The following CHN2 variants were observed in gnomAD, a reference collection of about 807,000 sequenced individuals.
CHN2 encodes the protein beta-chimaerin.
CHN2 carries 35 observed loss-of-function variants against 56.3 expected under a neutral mutation model. The observed-to-expected ratio is 0.62, with a 90% CI of 0.47 to 0.82. The LOEUF is 0.82. CHN2 is among the 40% of genes least tolerant of loss of function. The pLI is 0.00. For synonymous variants in CHN2, 210 were observed against 212.8 expected (o/e 0.99, Z 0.12); for missense variants, 491 against 580.5 (o/e 0.85, Z 1.58).
intron 5 of CHN2, among the ~76,000 whole-genome samples, chr7:29,399,110 G>C (rs1585263553): frequency 6.6e-6 from 1 of 152,114 alleles, no homozygotes; most frequent in Non-Finnish European, 1.5e-5. Flanking sequence ...CATTTCCTCA[G>C]CCGCAGATGC....
chr7:29,447,195 G>A (rs4081664), intron 6 of CHN2, among the ~76,000 whole-genome samples: 8,302 of 152,024 alleles, frequency 0.055, 385 homozygotes, highest in East Asian at 0.26. Context: ...AGCAGACAAG[G>A]GTGCTTAAAT....
intron 2 of CHN2, among the ~76,000 whole-genome samples, chr7:29,150,322 T>A (rs996155083): frequency 4.6e-5 from 7 of 152,172 alleles, no homozygotes; most frequent in Non-Finnish European, 2.9e-5. Flanking sequence ...AATAAGATAG[T>A]AGTACATATA....
intron 1 of CHN2, among the ~76,000 whole-genome samples, chr7:29,264,333 G>A (rs2128836775): frequency 6.6e-6 from 1 of 152,376 alleles, no homozygotes; most frequent in East Asian, 1.9e-4. Context: ...CTCATTGAGA[G>A]CGGGCCATGA....
At chr7:29,253,944 G>A (rs1038126796) in intron 1 of CHN2, among the ~76,000 whole-genome samples, 8 of 151,894 alleles carry the variant, frequency 5.3e-5, no homozygotes, top group Non-Finnish European at 8.8e-5. Context: ...TTGCTCTGTC[G>A]CCCAGGCTGG....
chr7:29,490,016 A>G (rs909945216), intron 7 of CHN2, among the ~76,000 whole-genome samples: 1 of 151,872 alleles, frequency 6.6e-6, no homozygotes, highest in African/African-American at 2.4e-5. Context: ...ATTTCTAAAT[A>G]TTGCATTTTC....
intron 3 of CHN2, among the ~76,000 whole-genome samples, chr7:29,369,538 TTAAA>T (rs1799440599): frequency 6.6e-6 from 1 of 152,166 alleles, no homozygotes. Context: ...TATGATGTAA[TTAAA>T]TATATATTTA....
intron 1 of CHN2, among the ~76,000 whole-genome samples, chr7:29,325,865 AG>A (rs1413357827): frequency 6.6e-6 from 1 of 152,222 alleles, no homozygotes. Flanking sequence ...TAAGAGATGT[AG>A]CTGAAAAAAA....
rs137961426 is a variant in CHN2 at position 29,168,490 on chromosome 7, T to C, written c.274+21530T>C. On this transcript the variant is annotated intron_variant, in intron 2 of 6. Transcript: ENST00000439384. ...TCATAGTCAATCTTTTTTGCATCTG[T>C]AATCTCTACCCATTCCTCCCACCCC... Among the ~76,000 whole-genome samples, 143 of 152,344 alleles carry C rather than the reference T, an allele frequency of 9.4e-4. 1 individual carries two copies. In the East Asian group the frequency reaches 0.025, roughly 26 times the overall value.
chr7:29,414,856 G>A (rs1229837090), intron 6 of CHN2, among the ~76,000 whole-genome samples: 1 of 152,050 alleles, frequency 6.6e-6, no homozygotes, highest in Non-Finnish European at 1.5e-5. Context: ...CCAGGCTCCT[G>A]TCCTGACTTG....
At chr7:29,480,021 C>A in intron 6 of CHN2, 1 of 1,514,896 alleles carries the variant, frequency 6.6e-7, no homozygotes, top group South Asian at 1.3e-5. Flanking sequence ...AAATCTGCCG[C>A]CTAACATAAG....
At chr7:29,460,066 C>T (rs2128136840) in intron 6 of CHN2, among the ~76,000 whole-genome samples, 1 of 151,150 alleles carries the variant, frequency 6.6e-6, no homozygotes, top group South Asian at 2.2e-4. Context: ...AGCATATGTA[C>T]ATTGAATCAC....
At chr7:29,185,537 A>G (rs1798602738) in intron 2 of CHN2, 1 of 152,170 alleles carries the variant, frequency 6.6e-6, no homozygotes, top group African/African-American at 2.4e-5. Context: ...CTCTTCAACA[A>G]TATAATCTGT....
chr7:29,269,519 G>A (rs1213070153), intron 1 of CHN2, among the ~76,000 whole-genome samples: 1 of 152,190 alleles, frequency 6.6e-6, no homozygotes, highest in Non-Finnish European at 1.5e-5. Context: ...ACTTGTTAGT[G>A]CAGATATCTC....
At chr7:29,175,075 A>C (rs1797109117) in intron 2 of CHN2, among the ~76,000 whole-genome samples, 1 of 152,126 alleles carries the variant, frequency 6.6e-6, no homozygotes, top group African/African-American at 2.4e-5. Flanking sequence ...ATGTTGTGGC[A>C]GGGACCCAGT....
At chr7:29,358,474 C>G (rs147122502) in intron 2 of CHN2, among the ~76,000 whole-genome samples, 1 of 137,164 alleles carries the variant, frequency 7.3e-6, no homozygotes, top group African/African-American at 2.5e-5. Context: ...TATTTATTTT[C>G]TTTTTTGAGA....
intron 1 of CHN2, among the ~76,000 whole-genome samples, chr7:29,238,318 A>G (rs1787365001): frequency 6.6e-6 from 1 of 152,116 alleles, no homozygotes; most frequent in African/African-American, 2.4e-5. Flanking sequence ...GCACCCGCCC[A>G]TATATATTCT....
At chr7:29,475,956 G>C (rs1786555295) in intron 6 of CHN2, among the ~76,000 whole-genome samples, 1 of 152,224 alleles carries the variant, frequency 6.6e-6, no homozygotes, top group Non-Finnish European at 1.5e-5. Flanking sequence ...CTAGGTAGTG[G>C]TGATTGTTGC....
At chr7:29,269,825 G>T (rs1790469196) in intron 1 of CHN2, among the ~76,000 whole-genome samples, 3 of 152,294 alleles carry the variant, frequency 2.0e-5, no homozygotes, top group African/African-American at 7.2e-5. Context: ...TCCCATCATA[G>T]TCTCAGCTTT....
At chr7:29,251,759 G>A (rs1042958540) in intron 1 of CHN2, among the ~76,000 whole-genome samples, 1 of 152,212 alleles carries the variant, frequency 6.6e-6, no homozygotes, top group African/African-American at 2.4e-5. Context: ...AAAACTGTGA[G>A]TGTTTACTTT....
Sources: allele counts gnomAD v4.1 joint callset (sites outside exome capture counted in the v4.1 genomes callset), GRCh38; gene constraint gnomAD v4.1.1; transcripts MANE v1.5; gene names NCBI Gene and HGNC (gene_info 2026-07-23, HGNC 2026-07-21).